The following NGEF variants were observed in gnomAD, a reference collection of about 807,000 sequenced individuals.
NGEF encodes the protein neuronal guanine nucleotide exchange factor.
In NGEF, 31 loss-of-function variants were observed where a neutral mutation model predicts 80.9. That is an observed-to-expected ratio of 0.38 (90% CI 0.29 to 0.52). The LOEUF (loss-of-function observed/expected upper bound fraction) is 0.52. Among genes scored for constraint, NGEF ranks in the 20% least tolerant of loss-of-function variants. The probability of loss-of-function intolerance (pLI) is 0.84; values close to 1 mark genes in which losing one functional copy is unlikely to be tolerated. For missense variants in NGEF, 709 were observed against 926.2 expected (o/e 0.77, Z 3.04); for synonymous variants, 371 against 370.2 (o/e 1.00, Z -0.03).
intron 9 of NGEF, among the ~76,000 whole-genome samples, chr2:232,887,068 G>A (rs1691716113): frequency 6.6e-6 from 1 of 152,206 alleles, no homozygotes; most frequent in African/African-American, 2.4e-5. Flanking sequence ...ATGTCTCAAT[G>A]TGGCTGAGAA....
intron 2 of NGEF, 58 bp downstream of exon 2, chr2:232,974,565 A>C: frequency 1.3e-6 from 2 of 1,568,950 alleles, no homozygotes; most frequent in East Asian, 4.5e-5. Context: ...ACCTTTCAGC[A>C]CTGATGACTC....
intron 1 of NGEF, among the ~76,000 whole-genome samples, chr2:232,985,896 G>A (rs934735385): frequency 2.0e-5 from 3 of 150,158 alleles, no homozygotes; most frequent in South Asian, 2.1e-4. Flanking sequence ...CCCAGATCAC[G>A]CCATTGCCCC....
intron 5 of NGEF, among the ~76,000 whole-genome samples, chr2:232,906,756 A>G (rs1239239794): frequency 1.3e-5 from 2 of 151,280 alleles, no homozygotes; most frequent in Non-Finnish European, 2.9e-5. Context: ...CAAGGTGGGG[A>G]AAAGATTGAG....
intron 5 of NGEF, among the ~76,000 whole-genome samples, chr2:232,919,880 T>C (rs925109170): frequency 6.6e-6 from 1 of 152,098 alleles, no homozygotes; most frequent in Admixed American, 6.5e-5. Context: ...GATAAGATCG[T>C]GAATGCAAAG....
At chr2:232,925,773 G>A (rs1693050752) in intron 4 of NGEF, among the ~76,000 whole-genome samples, 2 of 152,306 alleles carry the variant, frequency 1.3e-5, no homozygotes, top group Admixed American at 1.3e-4. Context: ...GGAAGAAAGC[G>A]GTTGTCAGGG....
At chr2:232,994,002 T>A (rs971974358) in intron 1 of NGEF, among the ~76,000 whole-genome samples, 1 of 152,196 alleles carries the variant, frequency 6.6e-6, no homozygotes, top group Non-Finnish European at 1.5e-5. Flanking sequence ...GGCACAGTTT[T>A]GTGAATATAC....
intron 3 of NGEF, among the ~76,000 whole-genome samples, chr2:232,951,171 TG>T (rs1693673052): frequency 1.3e-5 from 2 of 152,188 alleles, no homozygotes; most frequent in Admixed American, 1.3e-4. Flanking sequence ...AGCTCCCAGA[TG>T]GACAGACACC....
intron 3 of NGEF, among the ~76,000 whole-genome samples, chr2:232,948,474 G>A (rs1218674829): frequency 1.3e-5 from 2 of 152,094 alleles, no homozygotes; most frequent in Non-Finnish European, 1.5e-5. Context: ...TAGGGGTGAA[G>A]AATAATGATG....
chr2:232,957,823 A>G lies in NGEF; in HGVS notation c.383+12391T>C, dbSNP rs565193454. Among the ~76,000 whole-genome samples, 37 of 152,340 alleles carry G rather than the reference A, an allele frequency of 2.4e-4. No homozygotes were observed. In the South Asian group the frequency reaches 6.8e-3, roughly 28 times the overall value. ...TCACACCTAGAACCACCTGCCCTGC[A>G]GCCCAGTCATCTCTCCATGGAGAGG... is the stretch of plus-strand genomic sequence containing the variant. On this transcript the variant is annotated intron_variant, in intron 3 of 14. Transcript: ENST00000264051.
At chr2:232,928,890 C>G (rs1693157849) in intron 3 of NGEF, among the ~76,000 whole-genome samples, 1 of 152,190 alleles carries the variant, frequency 6.6e-6, no homozygotes, top group Non-Finnish European at 1.5e-5. Flanking sequence ...GCTCGCGGAT[C>G]AGAAAGAGCA....
At chr2:232,987,174 G>C (rs1040518074) in intron 1 of NGEF, among the ~76,000 whole-genome samples, 2 of 152,056 alleles carry the variant, frequency 1.3e-5, no homozygotes, top group Non-Finnish European at 2.9e-5. Flanking sequence ...GTGCCGCCAC[G>C]CCTGGCTAAT....
chr2:232,977,752 G>A (rs1230850740), intron 1 of NGEF, among the ~76,000 whole-genome samples: 2 of 152,224 alleles, frequency 1.3e-5, no homozygotes, highest in African/African-American at 4.8e-5. Context: ...GGGCCTGGCA[G>A]GCCCCGAGCA....
intron 12 of NGEF, 38 bp downstream of exon 12, chr2:232,883,273 C>T (rs771181034): frequency 2.6e-6 from 4 of 1,547,302 alleles, no homozygotes; most frequent in Non-Finnish European, 2.6e-6. Context: ...AGAAAGGTGC[C>T]ACGGGTAGCA....
chr2:232,968,365 G>A (rs1694110288), intron 3 of NGEF, among the ~76,000 whole-genome samples: 1 of 151,794 alleles, frequency 6.6e-6, no homozygotes, highest in Admixed American at 6.6e-5. Context: ...CGGGATTACA[G>A]GAGTGAGCCA....
chr2:232,950,011 C>G (rs1693646703), intron 3 of NGEF, among the ~76,000 whole-genome samples: 2 of 151,922 alleles, frequency 1.3e-5, no homozygotes, highest in South Asian at 4.1e-4. Context: ...AGGGTTTCAC[C>G]ATGTTGGCCA....
At chr2:232,937,555 C>T (rs755938056) in intron 3 of NGEF, among the ~76,000 whole-genome samples, 67 of 152,166 alleles carry the variant, frequency 4.4e-4, no homozygotes, top group Non-Finnish European at 9.1e-4. Flanking sequence ...ACTGCCTGCA[C>T]GGTTTCTCCT....
intron 3 of NGEF, among the ~76,000 whole-genome samples, chr2:232,954,108 T>TG (rs1434396431): frequency 6.6e-6 from 1 of 152,152 alleles, no homozygotes; most frequent in Non-Finnish European, 1.5e-5. Context: ...AGGGCTGCAG[T>TG]GTCAGGCAGT....
intron 7 of NGEF, 28 bp from the exon 8 acceptor site, chr2:232,891,515 C>A: frequency 1.2e-6 from 2 of 1,604,172 alleles, no homozygotes; most frequent in South Asian, 2.2e-5. Flanking sequence ...TGGAGTAGGT[C>A]TCTGAGCTGC....
intron 3 of NGEF, among the ~76,000 whole-genome samples, chr2:232,958,041 C>G (rs1028598169): frequency 6.6e-6 from 1 of 152,212 alleles, no homozygotes; most frequent in Admixed American, 6.5e-5. Context: ...TCTTCAGTCA[C>G]CGTGTCCAAG....
Sources: gnomAD v4.1 joint callset for allele counts (sites outside exome capture counted in the v4.1 genomes callset) on GRCh38, gnomAD v4.1.1 for gene constraint, MANE v1.5 for transcripts, NCBI Gene and HGNC (gene_info 2026-07-23, HGNC 2026-07-21) for gene names.